NINL: variants seen among roughly 807,000 people sequenced by gnomAD.
NINL encodes the protein ninein-like protein.
Under a neutral mutation model 160.3 loss-of-function variants are expected in NINL, and 153 were observed. The ratio of observed to expected loss-of-function variants is 0.95; its 90% CI spans 0.84 to 1.09. NINL has a LOEUF of 1.09. Ranked by LOEUF, NINL falls within the 50% of genes least tolerant of loss-of-function variation. The pLI is 0.00. For synonymous variants in NINL, 800 were observed against 734.8 expected (o/e 1.09, Z -1.43); for missense variants, 1,829 against 1,764.0 (o/e 1.04, Z -0.66).
chr20:25,457,379 C>T (rs994281552), intron 22 of NINL, among the ~76,000 whole-genome samples: 2 of 152,178 alleles, frequency 1.3e-5, no homozygotes, highest in Non-Finnish European at 2.9e-5. Flanking sequence ...CACAGCTTTC[C>T]TTTCTCTTTG....
chr20:25,561,196 C>T (rs1432554732), intron 1 of NINL, among the ~76,000 whole-genome samples: 1 of 152,224 alleles, frequency 6.6e-6, no homozygotes, highest in Non-Finnish European at 1.5e-5. Flanking sequence ...GCCGCCACGC[C>T]TGACGGGTTT....
chr20:25,546,333 T>C (rs2064731788), intron 1 of NINL, among the ~76,000 whole-genome samples: 1 of 152,198 alleles, frequency 6.6e-6, no homozygotes, highest in Non-Finnish European at 1.5e-5. Context: ...ATACCTGTTA[T>C]TCAATCCAAG....
intron 13 of NINL, among the ~76,000 whole-genome samples, chr20:25,485,571 T>C (rs1236368495): frequency 6.6e-6 from 1 of 152,198 alleles, no homozygotes; most frequent in Non-Finnish European, 1.5e-5. Context: ...TTATACACCT[T>C]TTTCTTATTA....
intron 1 of NINL, among the ~76,000 whole-genome samples, chr20:25,558,200 CATTT>C (rs1259817189): frequency 6.6e-6 from 1 of 152,044 alleles, no homozygotes; most frequent in Non-Finnish European, 1.5e-5. Flanking sequence ...ATTAAGTCTT[CATTT>C]ATTTATTTCT....
At chr20:25,539,031 G>A (rs1338387313) in intron 1 of NINL, among the ~76,000 whole-genome samples, 1 of 152,134 alleles carries the variant, frequency 6.6e-6, no homozygotes, top group East Asian at 1.9e-4. Flanking sequence ...TGACTGGTGG[G>A]CACTTGATAA....
chr20:25,561,183 C>T (rs1035401144), intron 1 of NINL, among the ~76,000 whole-genome samples: 8 of 152,308 alleles, frequency 5.3e-5, no homozygotes, highest in South Asian at 4.1e-4. Context: ...ATTGCAGGCG[C>T]GCGCCGCCAC....
At chr20:25,459,385 C>G (rs1392446993) in intron 21 of NINL, among the ~76,000 whole-genome samples, 1 of 152,194 alleles carries the variant, frequency 6.6e-6, no homozygotes, top group South Asian at 2.1e-4. Context: ...CACTGTAAAG[C>G]TCACCCTTCT....
chr20:25,512,173 C>G (rs970714446), intron 4 of NINL, among the ~76,000 whole-genome samples: 1 of 152,186 alleles, frequency 6.6e-6, no homozygotes, highest in African/African-American at 2.4e-5. Flanking sequence ...AAGCAACTTC[C>G]AAGGCCCCAG....
chr20:25,515,752 TTTTA>T (rs1339704545), intron 3 of NINL, among the ~76,000 whole-genome samples: 1 of 151,988 alleles, frequency 6.6e-6, no homozygotes, highest in Non-Finnish European at 1.5e-5. Context: ...CTGGTTATTT[TTTTA>T]TTGTTGTTTG....
chr20:25,563,236 ACTGT>A (rs1424198975), intron 1 of NINL, among the ~76,000 whole-genome samples: 5 of 152,194 alleles, frequency 3.3e-5, no homozygotes, highest in African/African-American at 1.2e-4. Flanking sequence ...AATTTGTAAC[ACTGT>A]CTGAAGCAAT....
chr20:25,480,281 G>A lies in NINL; in HGVS notation c.1811-14C>T. The A allele has an allele frequency of 6.2e-7, 1 of 1,607,948 alleles. No individual in the cohort carries two copies. Among genetic ancestry groups the A allele is most frequent in the Non-Finnish European group, 8.5e-7 (1 of 1,174,718 alleles). ...GGAATGAAATGCCTGCAAACAAGAG[G>A]CCACTTCCGTTTGTCACACTGAGGA... On this transcript the variant is annotated splice_polypyrimidine_tract_variant and intron_variant, in intron 14 of 23. Transcript: ENST00000278886.
intron 1 of NINL, among the ~76,000 whole-genome samples, chr20:25,530,047 T>C (rs1265210692): frequency 6.6e-6 from 1 of 152,196 alleles, no homozygotes; most frequent in Non-Finnish European, 1.5e-5. Flanking sequence ...AAAATCTGTT[T>C]TGAAAATTCC....
chr20:25,526,857 C>A (rs769525203), intron 1 of NINL, among the ~76,000 whole-genome samples: 2 of 152,142 alleles, frequency 1.3e-5, no homozygotes, highest in Non-Finnish European at 2.9e-5. Context: ...ACCAGAATTT[C>A]TTTGTTGTAT....
chr20:25,518,190 T>C (rs566929927), intron 2 of NINL, among the ~76,000 whole-genome samples: 1 of 152,226 alleles, frequency 6.6e-6, no homozygotes, highest in African/African-American at 2.4e-5. Flanking sequence ...AGAAGGCGTC[T>C]CCGCCACGAC....
intron 14 of NINL, among the ~76,000 whole-genome samples, chr20:25,481,432 G>A (rs902191129): frequency 7.2e-5 from 11 of 152,144 alleles, no homozygotes; most frequent in African/African-American, 1.9e-4. Context: ...TGTGGGTTCC[G>A]GGGACCCTGG....
chr20:25,457,980 G>C (rs1321829460), intron 22 of NINL, among the ~76,000 whole-genome samples: 4 of 152,158 alleles, frequency 2.6e-5, no homozygotes, highest in Admixed American at 1.3e-4. Flanking sequence ...TCTGTGCTCC[G>C]AGCTACTGTC....
intron 1 of NINL, among the ~76,000 whole-genome samples, chr20:25,532,414 G>GTCTT (rs1315189710): frequency 6.6e-5 from 10 of 152,232 alleles, no homozygotes; most frequent in African/African-American, 2.4e-4. Flanking sequence ...CTCTGGCCCT[G>GTCTT]TCTTTGCAGG....
At position 25,581,401 on chromosome 20, in the gene NINL, C is replaced by T. The variant is rs185024160; in HGVS notation, c.-12+4054G>A. On this transcript the variant is annotated intron_variant, in intron 1 of 23. Transcript: ENST00000278886. ...AGATTGCAGTGAGCCAAGATTGTGC[C>T]ACTGCACTCCAACCTGGGTGACAGA... Among the ~76,000 whole-genome samples the T allele has an allele frequency of 1.1e-4, 17 of 151,818 alleles. No individual in the cohort carries two copies. The East Asian group carries it at 3.1e-3, about 28-fold the overall frequency.
At chr20:25,531,277 T>C (rs2064455705) in intron 1 of NINL, among the ~76,000 whole-genome samples, 1 of 152,202 alleles carries the variant, frequency 6.6e-6, no homozygotes, top group Admixed American at 6.5e-5. Context: ...AGATTTCATA[T>C]TGTTCAAACA....
Sources: gnomAD v4.1 joint callset for allele counts (sites outside exome capture counted in the v4.1 genomes callset) on GRCh38, gnomAD v4.1.1 for gene constraint, MANE v1.5 for transcripts, NCBI Gene and HGNC (gene_info 2026-07-23, HGNC 2026-07-21) for gene names.